MYOM1: variants seen among roughly 807,000 people sequenced by gnomAD.
MYOM1 encodes myomesin-1.
In MYOM1, 164 loss-of-function variants were observed where a neutral mutation model predicts 205.3. The ratio of observed to expected loss-of-function variants is 0.80; its 90% confidence interval spans 0.70 to 0.91. MYOM1 has a LOEUF of 0.91. MYOM1 is among the 40% of genes least tolerant of loss of function. The pLI, the probability that MYOM1 is intolerant of heterozygous loss-of-function variation, is 0.00. For missense variants in MYOM1, 2,011 were observed against 2,127.3 expected, an observed-to-expected ratio of 0.95 and a Z score of 1.08; for synonymous variants, 772 against 789.4, an observed-to-expected ratio of 0.98 and a Z score of 0.37.
chr18:3,222,786 T>C (rs1443698444), upstream of MYOM1, among the ~76,000 whole-genome samples: 1 of 152,194 alleles, frequency 6.6e-6, no homozygotes, highest in African/African-American at 2.4e-5. Context: ...TAGTATCATA[T>C]ATAGGAGGCT....
At chr18:3,151,387 A>C (rs2080218551) in intron 12 of MYOM1, among the ~76,000 whole-genome samples, 1 of 151,634 alleles carries the variant, frequency 6.6e-6, no homozygotes, top group South Asian at 2.1e-4. Context: ...ACTTCATTCC[A>C]CACACAATGC....
intron 21 of MYOM1, 128 bp downstream of exon 21, chr18:3,116,203 A>G (rs2079602561): frequency 2.1e-6 from 2 of 973,654 alleles, no homozygotes; most frequent in Non-Finnish European, 3.0e-6. Context: ...CTGCCAGTGG[A>G]ATCTTACCAG....
intron 8 of MYOM1, among the ~76,000 whole-genome samples, chr18:3,171,443 T>C (rs774699964): frequency 1.3e-5 from 2 of 152,146 alleles, no homozygotes; most frequent in Non-Finnish European, 2.9e-5. Flanking sequence ...GGACCTAACT[T>C]CTAGGTTCTC....
intron 3 of MYOM1, chr18:3,190,265 T>C (rs1240248575): frequency 6.6e-6 from 1 of 152,234 alleles, no homozygotes; most frequent in African/African-American, 2.4e-5. Flanking sequence ...TGAGAGAGTG[T>C]ATTGATTACA....
At chr18:3,226,622 G>A in the MYOM1 span, among the ~76,000 whole-genome samples, 1 of 152,154 alleles carries the variant, frequency 6.6e-6, no homozygotes, top group Non-Finnish European at 1.5e-5. The surrounding 1 kb of genome is among the most constrained non-coding windows in gnomAD (Gnocchi z 4.6). Context: ...CCTTCCGGGA[G>A]ACTTCCCTAC....
At chr18:3,154,650 CAT>C (rs1491020387) in intron 11 of MYOM1, among the ~76,000 whole-genome samples, 1 of 148,842 alleles carries the variant, frequency 6.7e-6, no homozygotes, top group Non-Finnish European at 1.5e-5. Flanking sequence ...CACACACACA[CAT>C]TTATAATGGG....
chr18:3,123,119 C>T (rs189535240), intron 19 of MYOM1, among the ~76,000 whole-genome samples: 12 of 152,240 alleles, frequency 7.9e-5, no homozygotes, highest in Non-Finnish European at 1.0e-4. Context: ...AGCCACCATG[C>T]CCCCAGCACC....
In MYOM1 at chr18:3,084,101, C is replaced by G. The variant is rs996248588; in HGVS notation, c.4340-74G>C. 2.2e-5 allele frequency: 33 copies of G among 1,490,918 alleles called. No homozygotes were observed. The South Asian group carries it at 3.5e-4, about 16-fold the overall frequency. 92.4% of individuals were successfully genotyped at this position (1,490,918 alleles called of 1,614,324 possible). On this transcript the variant is annotated intron_variant, in intron 31 of 37. Coordinates refer to ENST00000356443, the MANE Select transcript of MYOM1 (RefSeq NM_003803.4). ...GTAAGGTTAAATCTCAAATTCTTAG[C>G]TCTCAAAAATTCCCTTTCTGGTTGA... is the stretch of plus-strand genomic sequence containing the variant.
At chr18:3,172,486 C>G (rs1282656764) in intron 8 of MYOM1, among the ~76,000 whole-genome samples, 3 of 151,814 alleles carry the variant, frequency 2.0e-5, no homozygotes, top group East Asian at 1.9e-4. Context: ...CACTGGGAGA[C>G]AAGTCATAGG....
chr18:3,208,700 A>C (rs960297413), intron 2 of MYOM1, among the ~76,000 whole-genome samples: 2 of 152,176 alleles, frequency 1.3e-5, no homozygotes, highest in African/African-American at 4.8e-5. Context: ...TTTGTTACCC[A>C]TGAACTATGA....
chr18:3,143,295 G>A (rs2080078764), intron 13 of MYOM1, among the ~76,000 whole-genome samples: 1 of 152,112 alleles, frequency 6.6e-6, no homozygotes, highest in Middle Eastern at 3.4e-3. Context: ...TATATTTCAA[G>A]AATGAAGGTA....
chr18:3,067,246 C>T lies in MYOM1; in HGVS notation c.*16G>A. 1 of 1,575,158 alleles carries T rather than the reference C, an allele frequency of 6.3e-7. No homozygotes were observed. Among genetic ancestry groups the T allele is most frequent in the South Asian group, 1.2e-5 (1 of 86,738 alleles). ...CCCAAGTCACACAGGCCGGCTGGCT[C>T]TCCTCGCACCTCCGGTCACTTGGCC... On this transcript the variant is annotated 3_prime_UTR_variant, in exon 38 of 38. Transcript: ENST00000356443.
At chr18:3,148,824 C>A (rs1392537349) in intron 13 of MYOM1, among the ~76,000 whole-genome samples, 1 of 109,592 alleles carries the variant, frequency 9.1e-6, no homozygotes, top group Non-Finnish European at 1.7e-5. Flanking sequence ...CCACCCTGGG[C>A]GACAGAGCGA....
intron 25 of MYOM1, 53 bp downstream of exon 25, chr18:3,100,106 G>T: frequency 6.3e-7 from 1 of 1,575,568 alleles, no homozygotes; most frequent in South Asian, 1.1e-5. Context: ...TATTCCAGAA[G>T]TTGCTGCCTA....
intron 3 of MYOM1, among the ~76,000 whole-genome samples, chr18:3,191,639 A>G (rs2080906998): frequency 6.6e-6 from 1 of 152,116 alleles, no homozygotes; most frequent in Admixed American, 6.5e-5. Context: ...ATGACATCAT[A>G]TAAGATATAA....
At chr18:3,182,584 C>T (rs2080751207) in intron 5 of MYOM1, among the ~76,000 whole-genome samples, 1 of 152,184 alleles carries the variant, frequency 6.6e-6, no homozygotes, top group South Asian at 2.1e-4. Context: ...GCACAGTGAA[C>T]CCTTCCTGGT....
chr18:3,100,536 CCT>C lies in MYOM1; in HGVS notation c.3576-112_3576-111del. The C allele has an allele frequency of 2.7e-6, 2 of 737,278 alleles. 1 individual carries two copies. Among genetic ancestry groups the C allele is most frequent in the South Asian group, 3.2e-5 (2 of 62,572 alleles). The allele number at this position is 737,278 out of a possible 1,614,324, so 45.7% of individuals were successfully genotyped here. A position where few individuals can be genotyped will look rare whatever the true frequency, so the allele number is the denominator to read the frequency against. The stretch of plus-strand genomic sequence containing the variant: ...TACTACTCCTTTCATCTGGACACCT[CCT>C]CTCATCTTGCTGAGCTACAGCCTAC... On this transcript the variant is annotated intron_variant, in intron 23 of 37. Coordinates refer to ENST00000356443, the MANE Select transcript of MYOM1 (RefSeq NM_003803.4).
At chr18:3,154,193 G>A (rs564550510) in intron 11 of MYOM1, among the ~76,000 whole-genome samples, 1 of 152,006 alleles carries the variant, frequency 6.6e-6, no homozygotes, top group East Asian at 1.9e-4. Flanking sequence ...TTTCCAAGGT[G>A]GCCTCTATGA....
intron 27 of MYOM1, among the ~76,000 whole-genome samples, chr18:3,090,084 T>C (rs535952239): frequency 3.2e-4 from 49 of 152,230 alleles, no homozygotes; most frequent in Non-Finnish European, 5.0e-4. Flanking sequence ...ATTTTAGCAA[T>C]AAACATTTGT....
Sources: gnomAD v4.1 joint callset for allele counts (sites outside exome capture counted in the v4.1 genomes callset) on GRCh38, gnomAD v4.1.1 for gene constraint, Gnocchi (gnomAD v3.1) non-coding constraint, MANE v1.5 for transcripts, NCBI Gene and HGNC (gene_info 2026-07-23, HGNC 2026-07-21) for gene names.